TYW1: variants seen among roughly 807,000 people sequenced by gnomAD.
TYW1 encodes S-adenosyl-L-methionine-dependent tRNA 4-demethylwyosine synthase TYW1.
A neutral mutation model predicts 96.2 loss-of-function variants in TYW1; 46 were observed. The ratio of observed to expected loss-of-function variants is 0.48; its 90% confidence interval spans 0.38 to 0.61. The LOEUF is 0.61. Among genes scored for constraint, TYW1 ranks in the 20% least tolerant of loss-of-function variants. TYW1 has a pLI of 0.00. For missense variants in TYW1, 684 were observed against 909.6 expected (o/e 0.75, Z 3.19); for synonymous variants, 274 against 323.0 (o/e 0.85, Z 1.63).
intron 7 of TYW1, among the ~76,000 whole-genome samples, chr7:67,027,975 T>G (rs1223737713): frequency 6.8e-6 from 1 of 147,094 alleles, no homozygotes; most frequent in East Asian, 2.0e-4. Flanking sequence ...TGGCTCATGC[T>G]TGTAATCCCA....
At chr7:67,204,543 CTCTTCT>C (rs988921180) in intron 15 of TYW1, among the ~76,000 whole-genome samples, 265 of 132,794 alleles carry the variant, frequency 2.0e-3, no homozygotes, top group African/African-American at 5.8e-3. Flanking sequence ...CTTCCTCTTC[CTCTTCT>C]TCTTCTTCTT....
intron 13 of TYW1, among the ~76,000 whole-genome samples, chr7:67,176,552 AG>A (rs1563056310): frequency 6.6e-6 from 1 of 152,184 alleles, no homozygotes; most frequent in East Asian, 1.9e-4. Context: ...GATAATTTTG[AG>A]GATATGTTAA....
intron 15 of TYW1, among the ~76,000 whole-genome samples, chr7:67,210,417 C>A (rs188079080): frequency 6.6e-6 from 1 of 152,290 alleles, no homozygotes; most frequent in Admixed American, 6.5e-5. Flanking sequence ...TGTCAGGTTT[C>A]TCCACTGTCA....
At chr7:67,142,833 C>A (rs2116120648) in intron 13 of TYW1, among the ~76,000 whole-genome samples, 1 of 152,196 alleles carries the variant, frequency 6.6e-6, no homozygotes, top group South Asian at 2.1e-4. Flanking sequence ...GGGTGGATCA[C>A]CTGAGGTCAG....
At chr7:67,110,409 C>G (rs1128729) in intron 12 of TYW1, among the ~76,000 whole-genome samples, 2 of 152,106 alleles carry the variant, frequency 1.3e-5, no homozygotes, top group African/African-American at 4.8e-5. Flanking sequence ...ATGAAGGCAT[C>G]CCCTAACAAA....
chr7:67,118,395 C>T (rs899699781), intron 13 of TYW1, among the ~76,000 whole-genome samples: 17 of 151,996 alleles, frequency 1.1e-4, no homozygotes, highest in Non-Finnish European at 2.4e-4. Context: ...ACTTATCTTC[C>T]TGTATACTTT....
intron 13 of TYW1, among the ~76,000 whole-genome samples, chr7:67,172,023 T>C (rs1799528644): frequency 6.6e-6 from 1 of 152,120 alleles, no homozygotes; most frequent in African/African-American, 2.4e-5. Context: ...AGTTGGAAAA[T>C]CTTTATCTTT....
intron 13 of TYW1, among the ~76,000 whole-genome samples, chr7:67,158,910 C>T (rs1283392242): frequency 2.0e-5 from 3 of 152,096 alleles, no homozygotes; most frequent in Non-Finnish European, 2.9e-5. Flanking sequence ...GTCTTCTCTC[C>T]GTTTTTCTTG....
chr7:67,015,385 CT>C (rs1179031127), intron 5 of TYW1, among the ~76,000 whole-genome samples: 2 of 152,054 alleles, frequency 1.3e-5, no homozygotes, highest in East Asian at 3.9e-4. Context: ...CAGGGTCTTG[CT>C]TTGTCATCCA....
intron 13 of TYW1, among the ~76,000 whole-genome samples, chr7:67,130,644 A>G (rs1798042667): frequency 6.6e-6 from 1 of 151,778 alleles, no homozygotes; most frequent in South Asian, 2.1e-4. Flanking sequence ...AGCCTGGGCG[A>G]CAGAGCGAGA....
chr7:67,095,495 C>A (rs373954481), intron 11 of TYW1, among the ~76,000 whole-genome samples: 40 of 142,584 alleles, frequency 2.8e-4, no homozygotes, highest in South Asian at 2.2e-4. Context: ...ACTAAAAATA[C>A]AAAAAAAAAA....
At chr7:66,997,289 C>G (rs1356640251) in intron 1 of TYW1, among the ~76,000 whole-genome samples, 1 of 150,298 alleles carries the variant, frequency 6.7e-6, no homozygotes, top group African/African-American at 2.5e-5. Context: ...CCAGGTTGAA[C>G]GTTTGAAGCC....
chr7:67,075,255 ATTT>A (rs941384147), intron 10 of TYW1, among the ~76,000 whole-genome samples: 1 of 152,142 alleles, frequency 6.6e-6, no homozygotes, highest in African/African-American at 2.4e-5. Flanking sequence ...TGTTTTTAAA[ATTT>A]TATTTTAAGG....
chr7:67,178,336 T>C (rs1434415703), intron 13 of TYW1, among the ~76,000 whole-genome samples: 1 of 152,212 alleles, frequency 6.6e-6, no homozygotes, highest in African/African-American at 2.4e-5. Flanking sequence ...ATAAGTACCA[T>C]GCACTCTACT....
chr7:67,150,602 T>C (rs1357064352), intron 13 of TYW1, among the ~76,000 whole-genome samples: 3 of 152,248 alleles, frequency 2.0e-5, no homozygotes, highest in Non-Finnish European at 4.4e-5. Flanking sequence ...GAAATAATGT[T>C]GAATAGAGAA....
chr7:67,206,658 A>C (rs1157572539), intron 15 of TYW1, among the ~76,000 whole-genome samples: 2 of 146,238 alleles, frequency 1.4e-5, no homozygotes, highest in Non-Finnish European at 1.5e-5. Context: ...TAAATAAATA[A>C]ATAAATAAAA....
rs777736417 is a variant in TYW1 at position 67,098,621 on chromosome 7, A to G, written c.1465A>G (p.Ile489Val). ...TGCATTGTCCCTCGTGGGAGAACCA[A>G]TAATGTACCCAGAGATCAACAGGTT... ...HCALSLVGEP[I>V]MYPEINRFLK... The change falls in exon 12 of 16, where the codon ATA becomes GTA. Residue 489 changes from isoleucine (I) to valine (V), a missense_variant. Transcript: ENST00000359626. 15 of 1,613,834 alleles carry G rather than the reference A, an allele frequency of 9.3e-6. No homozygotes were observed. Among genetic ancestry groups the G allele is most frequent in the Admixed American group, 5.0e-5 (3 of 59,928 alleles).
intron 13 of TYW1, among the ~76,000 whole-genome samples, chr7:67,173,756 G>A (rs900561212): frequency 3.4e-5 from 5 of 148,310 alleles, no homozygotes; most frequent in African/African-American, 1.0e-4. Context: ...TAAGTATGAT[G>A]TTAGCTGTAG....
chr7:67,175,844 G>A (rs1799655543), intron 13 of TYW1, among the ~76,000 whole-genome samples: 1 of 152,148 alleles, frequency 6.6e-6, no homozygotes, highest in Non-Finnish European at 1.5e-5. Context: ...ATCTTACTGT[G>A]CAGAATAAGA....
Sources: gnomAD v4.1 joint callset for allele counts (sites outside exome capture counted in the v4.1 genomes callset) on GRCh38, gnomAD v4.1.1 for gene constraint, MANE v1.5 for transcripts, NCBI Gene and HGNC (gene_info 2026-07-23, HGNC 2026-07-21) for gene names.